Variants in POU6F2 observed in about 807,000 individuals in gnomAD.
POU6F2 encodes the protein POU domain, class 6, transcription factor 2.
POU6F2 carries 31 observed loss-of-function variants against 71.3 expected under a neutral mutation model. The observed-to-expected ratio is 0.43, with a 90% CI of 0.33 to 0.59. POU6F2 has a LOEUF of 0.59. Among genes scored for constraint, POU6F2 ranks in the 20% least tolerant of loss-of-function variants. The pLI is 0.04. For synonymous variants in POU6F2, 347 were observed against 355.7 expected, an observed-to-expected ratio of 0.98 and a Z score of 0.27; for missense variants, 783 against 856.8, an observed-to-expected ratio of 0.91 and a Z score of 1.07.
At position 39,460,462 on chromosome 7, in the gene POU6F2, G is replaced by A; in HGVS notation, c.1490-85G>A. 1.3e-6 allele frequency: 2 copies of A among 1,484,260 alleles called. No individual in the cohort carries two copies. The highest frequency in any genetic ancestry group is 9.2e-7 in the Non-Finnish European group (1 of 1,087,632). 91.9% of individuals were successfully genotyped at this position (1,484,260 alleles called of 1,614,324 possible). A position where few individuals can be genotyped will look rare whatever the true frequency, so the allele number is the denominator to read the frequency against. ...CCTCACTGCTCTGCTGTTAAAGAGA[G>A]CCACTTTCTTATAAACCGTAATAAA... On this transcript the variant is annotated intron_variant, in intron 8 of 9. Transcript: ENST00000518318. This position sits in a 1 kb window ranked among gnomAD's most constrained non-coding sequence, Gnocchi z 4.4.
Position 39,406,727 on chromosome 7 carries a change from A to G in POU6F2, c.1100A>G (p.Asn367Ser), listed in dbSNP as rs764127289. The change falls in exon 6 of 10, where the codon AAT becomes AGT. Residue 367 changes from asparagine (N) to serine (S), a missense_variant. Physicochemically the swap from Asn to Ser is conservative, Grantham distance 46. Around this residue, in one of 2 missense-constraint regions of POU6F2, gnomAD observed 572 missense variants for 572.9 expected, o/e 1.00. Transcript: ENST00000518318. The stretch of plus-strand genomic sequence containing the variant: ...GGGGTCACAGGTCAACTAGTTACTA[A>G]TGCACAAGGACAGGTGAGTGGGAGA... Reference protein sequence around the residue: ...LQGVTGQLVTNAQGQIIGTIP... With the variant: ...LQGVTGQLVTSAQGQIIGTIP... 6.2e-7 allele frequency: 1 copy of G among 1,613,568 alleles called. No homozygotes were observed. Among genetic ancestry groups the G allele is most frequent in the South Asian group, 1.1e-5 (1 of 91,082 alleles).
At chr7:39,073,376 TAA>T (rs35194991) in intron 1 of POU6F2, among the ~76,000 whole-genome samples, 1,438 of 133,154 alleles carry the variant, frequency 0.011, 17 homozygotes, top group African/African-American at 0.032. Flanking sequence ...GAGAACCTAT[TAA>T]AAAAAAAAAA....
At chr7:39,020,147 C>T (rs1330197399) in intron 1 of POU6F2, among the ~76,000 whole-genome samples, 2 of 152,114 alleles carry the variant, frequency 1.3e-5, no homozygotes, top group East Asian at 1.9e-4. Flanking sequence ...GGGTCTTATC[C>T]TTCATTCTAG....
chr7:39,368,302 A>G (rs2115741106), intron 5 of POU6F2, among the ~76,000 whole-genome samples: 1 of 152,330 alleles, frequency 6.6e-6, no homozygotes, highest in Middle Eastern at 3.4e-3. Context: ...AGTGGTCTGG[A>G]TCGATCAAAC....
At chr7:39,207,673 C>G (rs891226600) in intron 4 of POU6F2, 53 bp downstream of exon 4, 1 of 1,519,928 alleles carries the variant, frequency 6.6e-7, no homozygotes, top group African/African-American at 1.4e-5. Context: ...GGCCAGTATT[C>G]TCTGAAGTGG....
intron 2 of POU6F2, among the ~76,000 whole-genome samples, chr7:39,203,770 G>C (rs576277207): frequency 6.6e-6 from 1 of 152,214 alleles, no homozygotes; most frequent in African/African-American, 2.4e-5. Context: ...TCAGGAAAGC[G>C]ATGTCATAAG....
At chr7:39,171,184 C>T (rs1793213157) in intron 2 of POU6F2, among the ~76,000 whole-genome samples, 1 of 151,912 alleles carries the variant, frequency 6.6e-6, no homozygotes, top group Admixed American at 6.6e-5. Context: ...AATGTTCTCC[C>T]TCCCCTTTAC....
At chr7:39,100,805 T>C (rs561723774) in intron 2 of POU6F2, among the ~76,000 whole-genome samples, 1 of 152,270 alleles carries the variant, frequency 6.6e-6, no homozygotes, top group South Asian at 2.1e-4. Flanking sequence ...GTTTTGTCAT[T>C]GGGTAACCAA....
At chr7:39,155,654 C>T (rs1792853475) in intron 2 of POU6F2, among the ~76,000 whole-genome samples, 1 of 152,144 alleles carries the variant, frequency 6.6e-6, no homozygotes. Flanking sequence ...ACTCTCAAGA[C>T]AACTACATGT....
intron 1 of POU6F2, among the ~76,000 whole-genome samples, chr7:38,989,334 T>C (rs896431605): frequency 2.0e-5 from 3 of 152,106 alleles, no homozygotes; most frequent in African/African-American, 7.2e-5. Context: ...AAATAAATTA[T>C]TCTTTTGTTA....
intron 4 of POU6F2, among the ~76,000 whole-genome samples, chr7:39,314,624 G>C (rs1290154320): frequency 6.6e-6 from 1 of 152,180 alleles, no homozygotes. Flanking sequence ...CAGTTGGCAA[G>C]TTATAGAATT....
chr7:39,226,956 A>C (rs1189664831), intron 4 of POU6F2, among the ~76,000 whole-genome samples: 1 of 152,222 alleles, frequency 6.6e-6, no homozygotes, highest in Non-Finnish European at 1.5e-5. Flanking sequence ...GATGGTCACG[A>C]CTTTTTGAAA....
At chr7:39,334,877 G>A (rs959550931) in intron 4 of POU6F2, among the ~76,000 whole-genome samples, 3 of 152,210 alleles carry the variant, frequency 2.0e-5, no homozygotes, top group South Asian at 4.1e-4. Context: ...AGGGAACACA[G>A]GTTTTTCCAT....
intron 4 of POU6F2, among the ~76,000 whole-genome samples, chr7:39,311,682 G>GAGAGAGAGCAGTGGCTATAGCTGT (rs1785167904): frequency 1.3e-5 from 2 of 152,180 alleles, no homozygotes; most frequent in Non-Finnish European, 2.9e-5. Flanking sequence ...TATAAACATA[G>GAGAGAGAGCAGTGGCTATAGCTGT]AGAGAGAGCA....
chr7:39,463,912 T>G (rs1789006028), intron 9 of POU6F2, among the ~76,000 whole-genome samples: 1 of 152,212 alleles, frequency 6.6e-6, no homozygotes, highest in East Asian at 1.9e-4. Flanking sequence ...GCCTGTGAGT[T>G]GTTTGCATGC....
At chr7:39,087,310 GA>G (rs1351626335) in intron 2 of POU6F2, among the ~76,000 whole-genome samples, 1 of 151,848 alleles carries the variant, frequency 6.6e-6, no homozygotes, top group Non-Finnish European at 1.5e-5. Context: ...ACATTAGAGA[GA>G]TGTCACAGAG....
At chr7:39,013,776 T>C (rs1035871813) in intron 1 of POU6F2, among the ~76,000 whole-genome samples, 9 of 151,580 alleles carry the variant, frequency 5.9e-5, no homozygotes, top group Non-Finnish European at 1.2e-4. Context: ...GGAGCTGCTG[T>C]AAGTCAATGA....
chr7:39,156,718 C>G (rs1171471526), intron 2 of POU6F2, among the ~76,000 whole-genome samples: 1 of 152,072 alleles, frequency 6.6e-6, no homozygotes, highest in Non-Finnish European at 1.5e-5. Flanking sequence ...AGAAGTTAAA[C>G]GACTCAAAAG....
chr7:39,288,453 C>T (rs958189652), intron 4 of POU6F2, among the ~76,000 whole-genome samples: 3 of 152,218 alleles, frequency 2.0e-5, no homozygotes, highest in African/African-American at 7.2e-5. Flanking sequence ...AGCAGACATT[C>T]AGCAAACACT....
Sources: allele counts gnomAD v4.1 joint callset (sites outside exome capture counted in the v4.1 genomes callset), GRCh38; gene constraint gnomAD v4.1.1; regional missense constraint gnomAD v4.1.1; non-coding constraint Gnocchi (gnomAD v3.1); transcripts MANE v1.5; gene names NCBI Gene and HGNC (gene_info 2026-07-23, HGNC 2026-07-21).